Variants in KALRN observed in about 807,000 individuals in gnomAD.
The protein encoded by KALRN is kalirin.
KALRN carries 70 observed loss-of-function variants against 353.7 expected under a neutral mutation model. That is an observed-to-expected ratio of 0.20 (90% CI 0.16 to 0.24). The LOEUF (loss-of-function observed/expected upper bound fraction) is 0.24. KALRN is among the 10% of genes least tolerant of loss of function. The pLI is 1.00. For missense variants in KALRN, 2,791 were observed against 3,756.7 expected (o/e 0.74, Z 6.72); for synonymous variants, 1,391 against 1,434.8 (o/e 0.97, Z 0.69).
intron 55 of KALRN, 72 bp downstream of exon 55, chr3:124,697,796 C>T: frequency 1.5e-6 from 2 of 1,359,304 alleles, no homozygotes; most frequent in Non-Finnish European, 2.0e-6. Flanking sequence ...TGCAGTAAAA[C>T]ACACATAATA....
chr3:124,110,339 ATATATATCATACTT>A (rs2149495862), intron 1 of KALRN, among the ~76,000 whole-genome samples: 1 of 49,758 alleles, frequency 2.0e-5, no homozygotes, highest in South Asian at 9.6e-4. Context: ...TATATATGAC[ATATATATCATACTT>A]TGATATATAT....
intron 34 of KALRN, chr3:124,585,058 G>T: frequency 1.0e-6 from 1 of 997,180 alleles, no homozygotes; most frequent in Admixed American, 3.0e-5. Context: ...GAGAGAGTTT[G>T]CTGCGATCCG....
intron 33 of KALRN, among the ~76,000 whole-genome samples, chr3:124,554,735 G>A (rs1359696675): frequency 6.6e-6 from 1 of 152,162 alleles, no homozygotes; most frequent in Non-Finnish European, 1.5e-5. Flanking sequence ...TCACATTTAT[G>A]ACTGAGGCAC....
In KALRN at chr3:124,678,213, T is replaced by C. The variant is rs1234850146; in HGVS notation, c.7217T>C (p.Leu2406Pro). 6.2e-7 allele frequency: 1 copy of C among 1,613,940 alleles called. No individual in the cohort carries two copies. The highest frequency in any genetic ancestry group is 1.7e-5 in the Admixed American group (1 of 60,018). Residue 2406 changes from leucine to proline, a missense_variant, in exon 50 of 60, where the codon CTA becomes CCA. By Grantham distance (98) the Leu-to-Pro change is moderately conservative. Coordinates refer to ENST00000682506, the MANE Select transcript of KALRN (RefSeq NM_001388419.1). ...SIKKSCSWHT[L>P]RMRKRAEVEN... ...AGGAAGTCATGTTCATGGCATACTC[T>C]ACGCATGAGAAAGCGGGCGGAAGTG...
At chr3:124,194,754 C>T (rs1012346079) in intron 1 of KALRN, among the ~76,000 whole-genome samples, 1 of 152,110 alleles carries the variant, frequency 6.6e-6, no homozygotes, top group African/African-American at 2.4e-5. Context: ...CCCAGTGCTC[C>T]TTGTATGCCA....
intron 33 of KALRN, among the ~76,000 whole-genome samples, chr3:124,554,328 G>C (rs1448422199): frequency 1.3e-5 from 2 of 152,194 alleles, no homozygotes; most frequent in Non-Finnish European, 2.9e-5. Context: ...GGGGTTTTTA[G>C]TAGGCTACAT....
intron 49 of KALRN, among the ~76,000 whole-genome samples, chr3:124,675,921 A>T (rs989364639): frequency 6.6e-6 from 1 of 152,158 alleles, no homozygotes; most frequent in African/African-American, 2.4e-5. Flanking sequence ...AGCTACTGAC[A>T]TCACCCTGGC....
intron 3 of KALRN, among the ~76,000 whole-genome samples, chr3:124,254,640 C>A (rs1448113648): frequency 6.6e-6 from 1 of 152,130 alleles, no homozygotes; most frequent in Non-Finnish European, 1.5e-5. Flanking sequence ...AATGTTAATA[C>A]AGAGCCTCAT....
intron 3 of KALRN, among the ~76,000 whole-genome samples, chr3:124,252,747 T>C (rs929642679): frequency 3.3e-5 from 5 of 152,218 alleles, no homozygotes; most frequent in African/African-American, 1.2e-4. Flanking sequence ...GCAGCTGGAT[T>C]ACAGCTTGAC....
chr3:124,286,216 TTTC>T (rs2075890841), intron 5 of KALRN, among the ~76,000 whole-genome samples: 1 of 150,668 alleles, frequency 6.6e-6, no homozygotes, highest in African/African-American at 2.4e-5. Flanking sequence ...TCTTTTTCTC[TTTC>T]TTTCTTTCTT....
rs1023110560 is a variant in KALRN, at chr3:124,646,485, G to A, written c.5665-4323G>A. 6.1e-5 allele frequency among the ~76,000 whole-genome samples: 9 copies of A among 147,714 alleles called. No individual in the cohort carries two copies. In the Admixed American group the frequency reaches 6.3e-4, roughly 10 times the overall value. ...GGCTCACTGCAACCTCCACCTCCCA[G>A]GTCCAAGTGATTCTCCTACCTCAGC... On this transcript the variant is annotated intron_variant, in intron 37 of 59. Coordinates refer to ENST00000682506, the MANE Select transcript of KALRN (RefSeq NM_001388419.1).
intron 1 of KALRN, among the ~76,000 whole-genome samples, chr3:124,165,449 C>T (rs2070683366): frequency 6.6e-6 from 1 of 151,874 alleles, no homozygotes; most frequent in Non-Finnish European, 1.5e-5. Context: ...AAATTACGTT[C>T]AATTACCAAG....
chr3:124,331,584 A>G (rs1428700165), intron 8 of KALRN, among the ~76,000 whole-genome samples: 5 of 152,220 alleles, frequency 3.3e-5, no homozygotes, highest in African/African-American at 1.2e-4. Context: ...AAGGACTTAC[A>G]AGCCAAATCT....
At chr3:124,283,989 A>G (rs543024019) in intron 5 of KALRN, among the ~76,000 whole-genome samples, 1 of 152,358 alleles carries the variant, frequency 6.6e-6, no homozygotes, top group South Asian at 2.1e-4. Context: ...AGAACTTTTC[A>G]TATATTATCA....
At chr3:124,411,691 C>T (rs1475060282) in intron 13 of KALRN, among the ~76,000 whole-genome samples, 1 of 152,068 alleles carries the variant, frequency 6.6e-6, no homozygotes, top group Non-Finnish European at 1.5e-5. Context: ...AGTGATCCTC[C>T]CGCCTTGGCC....
At chr3:124,246,811 T>C (rs1362480429) in intron 3 of KALRN, among the ~76,000 whole-genome samples, 1 of 152,186 alleles carries the variant, frequency 6.6e-6, no homozygotes, top group Non-Finnish European at 1.5e-5. Flanking sequence ...TTCTGGAGTT[T>C]GTGGTAGGTA....
At chr3:124,540,725 T>C (rs1044480895) in intron 33 of KALRN, among the ~76,000 whole-genome samples, 2 of 152,230 alleles carry the variant, frequency 1.3e-5, no homozygotes, top group African/African-American at 4.8e-5. Context: ...CTCTCTATCA[T>C]GGTGCTGTGA....
intron 6 of KALRN, among the ~76,000 whole-genome samples, chr3:124,323,249 C>G (rs1304706420): frequency 2.0e-5 from 3 of 152,180 alleles, no homozygotes; most frequent in Non-Finnish European, 4.4e-5. Context: ...TGCGGGGAGC[C>G]TCTTCCCAAC....
intron 33 of KALRN, among the ~76,000 whole-genome samples, chr3:124,522,721 G>A (rs987839494): frequency 5.3e-5 from 8 of 152,092 alleles, no homozygotes; most frequent in African/African-American, 1.9e-4. Context: ...GGTGGTCCAG[G>A]GACCACAGTC....
Sources: allele counts gnomAD v4.1 joint callset (sites outside exome capture counted in the v4.1 genomes callset), GRCh38; gene constraint gnomAD v4.1.1; transcripts MANE v1.5; gene names NCBI Gene and HGNC (gene_info 2026-07-23, HGNC 2026-07-21).